The following ZNF385B variants were observed in gnomAD, a reference collection of about 807,000 sequenced individuals.
The protein encoded by ZNF385B is zinc finger protein 533.
A neutral mutation model predicts 39.2 loss-of-function variants in ZNF385B; 23 were observed. The observed-to-expected ratio is 0.59, with a 90% CI of 0.42 to 0.83. The LOEUF (loss-of-function observed/expected upper bound fraction) is 0.83, where lower values mean the gene tolerates loss of function less well. Ranked by LOEUF, ZNF385B falls within the 40% of genes least tolerant of loss-of-function variation. ZNF385B has a pLI of 0.00. For missense variants in ZNF385B, 552 were observed against 598.9 expected (o/e 0.92, Z 0.82); for synonymous variants, 205 against 222.6 (o/e 0.92, Z 0.70).
At chr2:179,607,405 A>C (rs1050930360) in intron 3 of ZNF385B, among the ~76,000 whole-genome samples, 4 of 148,250 alleles carry the variant, frequency 2.7e-5, no homozygotes, top group African/African-American at 1.1e-4. Flanking sequence ...CTCCTCCCTC[A>C]CTGTCTCTCC....
intron 4 of ZNF385B, among the ~76,000 whole-genome samples, chr2:179,540,455 AAAAAC>A (rs1369811808): frequency 2.0e-5 from 3 of 152,148 alleles, no homozygotes; most frequent in Non-Finnish European, 2.9e-5. Context: ...TCAAACAAAC[AAAAAC>A]AAAACAAAAC....
intron 1 of ZNF385B, among the ~76,000 whole-genome samples, chr2:179,807,017 C>T (rs1031407244): frequency 2.0e-5 from 3 of 152,134 alleles, no homozygotes; most frequent in African/African-American, 7.2e-5. Context: ...AGGAGGCATT[C>T]GGAAGATATG....
intron 3 of ZNF385B, among the ~76,000 whole-genome samples, chr2:179,572,153 G>A (rs1288255989): frequency 2.0e-5 from 3 of 152,036 alleles, no homozygotes; most frequent in Non-Finnish European, 4.4e-5. Context: ...CCATGTTCTG[G>A]CAGAGAACTT....
intron 5 of ZNF385B, among the ~76,000 whole-genome samples, chr2:179,508,087 AT>A (rs11460717): frequency 2.6e-5 from 4 of 151,688 alleles, no homozygotes; most frequent in African/African-American, 9.7e-5. Flanking sequence ...TAGTAAACTT[AT>A]TTTTTTTGTT....
intron 1 of ZNF385B, among the ~76,000 whole-genome samples, chr2:179,833,698 A>AAT (rs1445722249): frequency 6.6e-6 from 1 of 152,158 alleles, no homozygotes; most frequent in Non-Finnish European, 1.5e-5. Flanking sequence ...GAATCAGGTT[A>AAT]ATGTTTTACA....
rs971118378 is a variant in ZNF385B at position 179,509,415 on chromosome 2, C to T, written c.552+9113G>A. On this transcript the variant is annotated intron_variant, in intron 5 of 9. Coordinates refer to ENST00000410066, the MANE Select transcript of ZNF385B (RefSeq NM_152520.6). ...AAAGATGACTGAACTTTGTTATGAG[C>T]TTGTTAAACAGCCGCTATTGAATGA... Among the ~76,000 whole-genome samples, 6 of 152,242 alleles carry T rather than the reference C, an allele frequency of 3.9e-5. No individual in the cohort carries two copies. In the South Asian group the frequency reaches 1.2e-3, roughly 32 times the overall value.
chr2:179,516,154 T>C (rs1214699510), intron 5 of ZNF385B, among the ~76,000 whole-genome samples: 1 of 152,164 alleles, frequency 6.6e-6, no homozygotes, highest in Non-Finnish European at 1.5e-5. Flanking sequence ...ATTTCCATTG[T>C]ATGGCTTTAA....
At chr2:179,711,849 T>C (rs1700017401) in intron 3 of ZNF385B, among the ~76,000 whole-genome samples, 1 of 151,882 alleles carries the variant, frequency 6.6e-6, no homozygotes, top group Non-Finnish European at 1.5e-5. Flanking sequence ...GCAGTTCTGT[T>C]CAGCCTACTG....
chr2:179,473,380 A>C (rs1037091390), intron 6 of ZNF385B, among the ~76,000 whole-genome samples: 2 of 152,214 alleles, frequency 1.3e-5, no homozygotes, highest in Admixed American at 6.5e-5. Context: ...CAGGACCTGG[A>C]AATTTCTTTG....
At chr2:179,844,037 C>T (rs1380368577) in intron 1 of ZNF385B, among the ~76,000 whole-genome samples, 1 of 152,172 alleles carries the variant, frequency 6.6e-6, no homozygotes, top group Admixed American at 6.5e-5. Flanking sequence ...GCGAGCAAGC[C>T]ATTTTGAACA....
chr2:179,786,684 G>A (rs1705025392), intron 1 of ZNF385B, among the ~76,000 whole-genome samples: 1 of 150,496 alleles, frequency 6.6e-6, no homozygotes, highest in Admixed American at 6.6e-5. Flanking sequence ...GATATGACAG[G>A]TTTCTTTCTT....
chr2:179,805,096 A>C (rs1481861163), intron 1 of ZNF385B, among the ~76,000 whole-genome samples: 1 of 152,126 alleles, frequency 6.6e-6, no homozygotes, highest in Non-Finnish European at 1.5e-5. Context: ...TGGAACTCTC[A>C]AGCCTAGGCC....
chr2:179,745,973 T>C, intron 3 of ZNF385B: 1 of 1,206,728 alleles, frequency 8.3e-7, no homozygotes, highest in Non-Finnish European at 1.0e-6. Context: ...AAGCACACTC[T>C]GAGTCATTTG....
At chr2:179,729,596 A>G (rs1256435780) in intron 3 of ZNF385B, among the ~76,000 whole-genome samples, 2 of 152,196 alleles carry the variant, frequency 1.3e-5, no homozygotes, top group Admixed American at 1.3e-4. Flanking sequence ...ATCTTCACCA[A>G]TTTTGTAAAT....
rs939518238 is a variant in ZNF385B, at chr2:179,752,179, G to T, written c.298+17324C>A. On this transcript the variant is annotated intron_variant, in intron 3 of 9. Coordinates refer to ENST00000410066, the MANE Select transcript of ZNF385B (RefSeq NM_152520.6). ...AATTCCCACCTATGAGTGAGAACAC[G>T]TGGTGTTTGCTTTTTTGTCCATGTG... Among the ~76,000 whole-genome samples, 3 of 152,146 alleles carry T rather than the reference G, an allele frequency of 2.0e-5. No individual in the cohort carries two copies. The South Asian group carries it at 6.2e-4, about 32-fold the overall frequency.
At chr2:179,834,402 AT>A (rs1000521499) in intron 1 of ZNF385B, among the ~76,000 whole-genome samples, 1 of 152,214 alleles carries the variant, frequency 6.6e-6, no homozygotes, top group Non-Finnish European at 1.5e-5. Context: ...CTAATTAAAA[AT>A]ATCAGCCTGA....
chr2:179,671,177 A>G (rs929990029), intron 3 of ZNF385B, among the ~76,000 whole-genome samples: 2 of 152,208 alleles, frequency 1.3e-5, no homozygotes, highest in African/African-American at 2.4e-5. Context: ...CAGCTGCTTA[A>G]TGTTCCTCAA....
chr2:179,696,675 C>T (rs1472117395), intron 3 of ZNF385B, among the ~76,000 whole-genome samples: 3 of 151,988 alleles, frequency 2.0e-5, no homozygotes, highest in African/African-American at 7.3e-5. Context: ...AGAGTACACA[C>T]AAATCCAGGT....
At chr2:179,848,395 T>A (rs937582944) in intron 1 of ZNF385B, among the ~76,000 whole-genome samples, 2 of 152,224 alleles carry the variant, frequency 1.3e-5, no homozygotes, top group Non-Finnish European at 2.9e-5. Context: ...GCTTCTATTA[T>A]AGGCAAAGCA....
Sources: gnomAD v4.1 joint callset for allele counts (sites outside exome capture counted in the v4.1 genomes callset) on GRCh38, gnomAD v4.1.1 for gene constraint, MANE v1.5 for transcripts, NCBI Gene and HGNC (gene_info 2026-07-23, HGNC 2026-07-21) for gene names.